Variants in OR2L2 observed in about 807,000 individuals in gnomAD.
OR2L2 encodes olfactory receptor 2L2.
For synonymous variants in OR2L2, 156 were observed against 135.4 expected (o/e 1.15, Z -1.06); for missense variants, 378 against 375.2 (o/e 1.01, Z -0.06).
rs115330173 is a variant in OR2L2 at position 248,037,754 on chromosome 1, C to T, written c.-21-493C>T. On this transcript the variant is annotated intron_variant, in intron 2 of 2. Transcript: ENST00000641771. ...CCCTCTCATTCACTGTTTTGCTTTC[C>T]GTGGTTTCTCCTGTAATCAAATGCG... is the stretch of plus-strand genomic sequence containing the variant. Among the ~76,000 whole-genome samples, 547 of 152,236 alleles carry T rather than the reference C, an allele frequency of 3.6e-3. 2 individuals are homozygous for T. Among genetic ancestry groups the T allele is most frequent in the African/African-American group, 0.013 (520 of 41,542 alleles).
intron 2 of OR2L2, 121 bp downstream of exon 2, chr1:248,035,745 A>G (rs917521785): frequency 2.0e-5 from 3 of 152,112 alleles, no homozygotes; most frequent in African/African-American, 7.2e-5. Context: ...GACTCATGAC[A>G]TAGGCCACAG....
chr1:248,034,447 G>A (rs1056211922), intron 1 of OR2L2, among the ~76,000 whole-genome samples: 8 of 151,950 alleles, frequency 5.3e-5, no homozygotes, highest in African/African-American at 1.5e-4. Context: ...CAGATTTTTC[G>A]ACTATTTAAG....
rs781623138 is a variant in OR2L2, at chr1:248,038,296, AT to A, written c.32del (p.Phe11SerfsTer25). 1.2e-6 allele frequency: 2 copies of A among 1,611,996 alleles called. No homozygotes were observed. The highest frequency in any genetic ancestry group is 1.1e-5 in the South Asian group (1 of 90,864). On this transcript the variant is annotated frameshift_variant, in exon 3 of 3. Transcript: ENST00000641771. LOFTEE classifies it low-confidence loss of function (END_TRUNC). ...GAAAATTACAATCAAACATCAACTG[AT>A]TTCATCTTATTGGGGCTGTTCCCAC... Reference protein sequence around the residue: MENYNQTSTDFILLGLFPQS... With the variant: MENYNQTSTXFILLGLFPQS...
At chr1:248,034,229 A>G (rs188540816) in intron 1 of OR2L2, among the ~76,000 whole-genome samples, 33 of 152,282 alleles carry the variant, frequency 2.2e-4, no homozygotes, top group African/African-American at 7.2e-4. Context: ...AAATGACCAT[A>G]TTGCCAAAAC....
At chr1:248,035,122 GACATTTTTGTCTTTC>G in intron 1 of OR2L2, among the ~76,000 whole-genome samples, 1 of 151,128 alleles carries the variant, frequency 6.6e-6, no homozygotes, top group East Asian at 1.9e-4. Context: ...CGTGAAAGTG[GACATTTTTGTCTTTC>G]TCCAAATCTT....
Position 248,041,411 on chromosome 1 carries a change from A to G in OR2L2, c.*2205A>G, listed in dbSNP as rs1307048800. On this transcript the variant is annotated 3_prime_UTR_variant, in exon 3 of 3. Transcript: ENST00000641771. ...GACCTAAAACCATAAAAACCCTAGA[A>G]GAAAACCTAGGCTTTACCATTCAGG... The G allele has an allele frequency of 3.9e-5, 6 of 152,320 alleles. No individual in the cohort carries two copies. The highest frequency in any genetic ancestry group is 2.1e-4 in the South Asian group (1 of 4,820). 9.4% of individuals were successfully genotyped at this position (152,320 alleles called of 1,614,324 possible). A position where few individuals can be genotyped will look rare whatever the true frequency, so the allele number is the denominator to read the frequency against.
At chr1:248,030,589 G>A (rs761438587) in intron 1 of OR2L2, among the ~76,000 whole-genome samples, 1 of 152,092 alleles carries the variant, frequency 6.6e-6, no homozygotes, top group Non-Finnish European at 1.5e-5. Context: ...GTACCTACTT[G>A]GTTGGTGTTT....
In OR2L2 at chr1:248,042,192, C is replaced by T. The variant is rs145968008; in HGVS notation, c.*2986C>T. 1.2e-3 allele frequency: 179 copies of T among 152,130 alleles called. 1 individual carries two copies. Among genetic ancestry groups the T allele is most frequent in the African/African-American group, 4.1e-3 (170 of 41,502 alleles). 9.4% of individuals were successfully genotyped at this position (152,130 alleles called of 1,614,324 possible). A position where few individuals can be genotyped will look rare whatever the true frequency, so the allele number is the denominator to read the frequency against. On this transcript the variant is annotated 3_prime_UTR_variant, in exon 3 of 3. Coordinates refer to ENST00000641771, the MANE Select transcript of OR2L2 (RefSeq NM_001385855.1). ...ATGCAGCCATAAAAGATGATGAGTT[C>T]ATGTCCTTTGTAGGGACATGGATGA...
chr1:248,031,160 T>C (rs2103087799), intron 1 of OR2L2, among the ~76,000 whole-genome samples: 1 of 152,322 alleles, frequency 6.6e-6, no homozygotes, highest in South Asian at 2.1e-4. Context: ...CTGAAACAGA[T>C]GTATAATAAA....
chr1:248,039,114 A>T lies in OR2L2; in HGVS notation c.847A>T (p.Met283Leu), dbSNP rs146013990. ...LAVFYTILTP[M>L]LNPIIYSLRN... ...TGTTTTCTACACCATCCTCACCCCA[A>T]TGCTCAACCCCATCATCTACAGCCT... The change falls in exon 3 of 3, where the codon ATG becomes TTG. Residue 283 changes from methionine (M) to leucine (L), a missense_variant. By Grantham distance (15) the Met-to-Leu change is conservative. Coordinates refer to ENST00000641771, the MANE Select transcript of OR2L2 (RefSeq NM_001385855.1). 2 of 1,614,046 alleles carry T rather than the reference A, an allele frequency of 1.2e-6. No individual in the cohort carries two copies. Among genetic ancestry groups the T allele is most frequent in the Non-Finnish European group, 8.5e-7 (1 of 1,179,986 alleles).
At position 248,042,232 on chromosome 1, in the gene OR2L2, A is replaced by C. The variant is rs1353159731; in HGVS notation, c.*3026A>C. 1 of 151,966 alleles carries C rather than the reference A, an allele frequency of 6.6e-6. No individual in the cohort carries two copies. Among genetic ancestry groups the C allele is most frequent in the Non-Finnish European group, 1.5e-5 (1 of 68,004 alleles). 9.4% of individuals were successfully genotyped at this position (151,966 alleles called of 1,614,324 possible). On this transcript the variant is annotated 3_prime_UTR_variant, in exon 3 of 3. Coordinates refer to ENST00000641771, the MANE Select transcript of OR2L2 (RefSeq NM_001385855.1). ...GACATGGATGAAATTGGAAATCATC[A>C]TTCTCACTAAACTATCACAAGAACA...
At chr1:248,034,820 A>G (rs1662711745) in intron 1 of OR2L2, among the ~76,000 whole-genome samples, 1 of 152,172 alleles carries the variant, frequency 6.6e-6, no homozygotes, top group African/African-American at 2.4e-5. Context: ...AGAACAGACA[A>G]TTTTGCTTCT....
chr1:248,031,299 A>G (rs1167840486), intron 1 of OR2L2, among the ~76,000 whole-genome samples: 3 of 152,230 alleles, frequency 2.0e-5, no homozygotes, highest in East Asian at 3.8e-4. Flanking sequence ...GAATAATCAA[A>G]GAGATGCTAC....
intron 1 of OR2L2, among the ~76,000 whole-genome samples, chr1:248,034,978 T>C (rs1460139266): frequency 6.6e-6 from 1 of 152,222 alleles, no homozygotes; most frequent in African/African-American, 2.4e-5. Context: ...TCTACACATA[T>C]AGTTATGTCA....
Position 248,038,825 on chromosome 1 carries a change from A to G in OR2L2, c.558A>G (p.Leu186=), listed in dbSNP as rs538343554. 1.2e-6 allele frequency: 2 copies of G among 1,614,196 alleles called. No homozygotes were observed. The highest frequency in any genetic ancestry group is 2.7e-5 in the African/African-American group (2 of 75,044). Residue 186 remains leucine (L), a synonymous_variant, in exon 3 of 3, where the codon CTA becomes CTG. Coordinates refer to ENST00000641771, the MANE Select transcript of OR2L2 (RefSeq NM_001385855.1). Reference sequence around the variant, plus strand: ...GTGATGTTCCAGCTATGTTGACGCTAGCCTGCACAGACACTTGGGTCTATG... The same window carrying G: ...GTGATGTTCCAGCTATGTTGACGCTGGCCTGCACAGACACTTGGGTCTATG... ...FFCDVPAMLT[L]ACTDTWVYES... is the part of the protein sequence containing the mutation.
intron 2 of OR2L2, among the ~76,000 whole-genome samples, chr1:248,036,532 T>TTG (rs757295126): frequency 1.3e-5 from 2 of 151,912 alleles, no homozygotes; most frequent in Non-Finnish European, 2.9e-5. Context: ...GTGTTCATCT[T>TTG]TGTGTGTGTG....
intron 1 of OR2L2, among the ~76,000 whole-genome samples, chr1:248,034,377 G>A (rs566599764): frequency 6.6e-6 from 1 of 152,184 alleles, no homozygotes; most frequent in Admixed American, 6.5e-5. Context: ...GGAGGCGTTT[G>A]GTAAGTTTTA....
Position 248,041,660 on chromosome 1 carries a change from C to A in OR2L2, c.*2454C>A, listed in dbSNP as rs1332069107. 1.3e-5 allele frequency: 2 copies of A among 152,014 alleles called. No individual in the cohort carries two copies. Among genetic ancestry groups the A allele is most frequent in the African/African-American group, 4.8e-5 (2 of 41,376 alleles). 9.4% of individuals were successfully genotyped at this position (152,014 alleles called of 1,614,324 possible). A position where few individuals can be genotyped will look rare whatever the true frequency, so the allele number is the denominator to read the frequency against. ...TCTACAATGAACTCAAACAAACTTA[C>A]AAGAAAAAAACAAACAACCCCATCA... On this transcript the variant is annotated 3_prime_UTR_variant, in exon 3 of 3. Coordinates refer to ENST00000641771, the MANE Select transcript of OR2L2 (RefSeq NM_001385855.1).
At chr1:248,032,442 C>T (rs1437922399) in intron 1 of OR2L2, among the ~76,000 whole-genome samples, 1 of 152,088 alleles carries the variant, frequency 6.6e-6, no homozygotes, top group Non-Finnish European at 1.5e-5. Flanking sequence ...CAACCATCCC[C>T]ACCAGTCATC....
Sources: gnomAD v4.1 joint callset for allele counts (sites outside exome capture counted in the v4.1 genomes callset) on GRCh38, gnomAD v4.1.1 for gene constraint, MANE v1.5 for transcripts, NCBI Gene and HGNC (gene_info 2026-07-23, HGNC 2026-07-21) for gene names.